Variants in AFAP1L2 observed in about 807,000 individuals in gnomAD.
AFAP1L2 encodes actin filament associated protein 1 like 2.
AFAP1L2 carries 46 observed loss-of-function variants against 99.3 expected under a neutral mutation model. The ratio of observed to expected loss-of-function variants is 0.46; its 90% CI spans 0.37 to 0.59. The LOEUF is 0.59. Among genes scored for constraint, AFAP1L2 ranks in the 20% least tolerant of loss-of-function variants. The pLI is 0.00. For missense variants in AFAP1L2, 959 were observed against 1,034.9 expected, an observed-to-expected ratio of 0.93 and a Z score of 1.01; for synonymous variants, 397 against 419.1, an observed-to-expected ratio of 0.95 and a Z score of 0.64.
At chr10:114,286,525 G>A in the AFAP1L2 span, 3 of 1,546,732 alleles carry the variant, frequency 1.9e-6, no homozygotes, top group Non-Finnish European at 1.7e-6. Flanking sequence ...AGGTCCCAGT[G>A]CCTGACCCAG....
intron 11 of AFAP1L2, 73 bp from the exon 12 acceptor site, chr10:114,302,557 C>T: frequency 1.3e-6 from 2 of 1,584,782 alleles, no homozygotes; most frequent in African/African-American, 2.7e-5. Context: ...CCCACCAGGC[C>T]ATGACCGTAC....
intron 1 of AFAP1L2, chr10:114,398,800 C>T: frequency 7.7e-7 from 1 of 1,301,424 alleles, no homozygotes; most frequent in South Asian, 1.2e-5. Context: ...CCTCGGGAGC[C>T]CTGGAGGCCA....
At chr10:114,353,077 C>G (rs923877957) in intron 1 of AFAP1L2, among the ~76,000 whole-genome samples, 1 of 152,216 alleles carries the variant, frequency 6.6e-6, no homozygotes, top group African/African-American at 2.4e-5. Flanking sequence ...CAGAGCATTT[C>G]ATTCCCCAGC....
chr10:114,291,030 G>A (rs888818261), downstream of AFAP1L2, among the ~76,000 whole-genome samples: 1 of 152,106 alleles, frequency 6.6e-6, no homozygotes, highest in Non-Finnish European at 1.5e-5. Context: ...ACGGGCAGAG[G>A]TTGGCTTCCT....
downstream of AFAP1L2, among the ~76,000 whole-genome samples, chr10:114,290,816 T>C (rs1478957136): frequency 6.6e-6 from 1 of 151,902 alleles, no homozygotes; most frequent in Non-Finnish European, 1.5e-5. Flanking sequence ...CTCAGTAAAA[T>C]GGGAGGAACA....
intron 4 of AFAP1L2, among the ~76,000 whole-genome samples, 156 bp from the exon 5 acceptor site, chr10:114,323,417 C>T (rs1007190300): frequency 6.6e-6 from 1 of 152,186 alleles, no homozygotes; most frequent in Non-Finnish European, 1.5e-5. Flanking sequence ...TATCATGAAT[C>T]CCATCAGTCA....
At chr10:114,335,247 T>C (rs144383190) in intron 2 of AFAP1L2, among the ~76,000 whole-genome samples, 14 of 152,258 alleles carry the variant, frequency 9.2e-5, no homozygotes, top group African/African-American at 3.4e-4. Context: ...ACAGATAAAC[T>C]CTAGCATTTA....
intron 5 of AFAP1L2, among the ~76,000 whole-genome samples, chr10:114,318,577 A>G (rs2044517696): frequency 6.6e-6 from 1 of 151,898 alleles, no homozygotes; most frequent in African/African-American, 2.4e-5. Context: ...TGTCTTTTCT[A>G]AAAATACAAA....
At chr10:114,321,673 AAGG>A (rs1249028040) in intron 5 of AFAP1L2, among the ~76,000 whole-genome samples, 2 of 152,178 alleles carry the variant, frequency 1.3e-5, no homozygotes, top group African/African-American at 2.4e-5. Flanking sequence ...AAGGAAAGAG[AAGG>A]AGGACAGAAG....
intron 11 of AFAP1L2, among the ~76,000 whole-genome samples, chr10:114,304,308 C>T (rs896661808): frequency 6.6e-6 from 1 of 152,084 alleles, no homozygotes; most frequent in Non-Finnish European, 1.5e-5. Flanking sequence ...GGATGGGGAG[C>T]GAGAGGAATG....
chr10:114,353,556 A>T (rs1226463882), intron 1 of AFAP1L2, among the ~76,000 whole-genome samples: 1 of 152,230 alleles, frequency 6.6e-6, no homozygotes, highest in African/African-American at 2.4e-5. Context: ...TGGTTCCACC[A>T]GGGTCACACA....
intron 1 of AFAP1L2, among the ~76,000 whole-genome samples, chr10:114,397,692 G>C (rs1306688950): frequency 1.3e-5 from 2 of 152,192 alleles, no homozygotes; most frequent in Non-Finnish European, 2.9e-5. Flanking sequence ...CTACCTCCAA[G>C]GGTAGGACTG....
intron 1 of AFAP1L2, among the ~76,000 whole-genome samples, chr10:114,345,673 A>C (rs2049442956): frequency 6.6e-6 from 1 of 152,240 alleles, no homozygotes; most frequent in South Asian, 2.1e-4. Context: ...TCCAAGTTCA[A>C]AGCACTTGTG....
chr10:114,310,392 G>T lies in AFAP1L2; in HGVS notation c.844C>A (p.Gln282Lys). ...AAGCGCTGGGCATCCGGGGTGTACT[G>T]GTTTCCTTCAGATGCTCCTTCGGAA... ...LPSEGASEGN[Q>K]YTPDAQRFNC... Residue 282 changes from glutamine (Q) to lysine (K), a missense_variant, in exon 8 of 19, where the codon CAG becomes AAG. Physicochemically the swap from Gln to Lys is moderately conservative, Grantham distance 53. Coordinates refer to ENST00000304129, the MANE Select transcript of AFAP1L2 (RefSeq NM_001001936.3). 6.2e-7 allele frequency: 1 copy of T among 1,613,922 alleles called. No homozygotes were observed. The highest frequency in any genetic ancestry group is 8.5e-7 in the Non-Finnish European group (1 of 1,179,926).
rs1000770310 is a variant in AFAP1L2, at chr10:114,391,584, T to C, written c.16+12856A>G. On this transcript the variant is annotated intron_variant, in intron 1 of 18. Transcript: ENST00000304129. ...AGATTAGTGCTGTGAACACCAAAAA[T>C]ACTGTCCTTGGCCCTTAAGGAGCTT... Among the ~76,000 whole-genome samples, 5 of 152,316 alleles carry C rather than the reference T, an allele frequency of 3.3e-5. No homozygotes were observed. The East Asian group carries it at 9.7e-4, about 29-fold the overall frequency.
chr10:114,403,684 C>G (rs2058438705), intron 1 of AFAP1L2, among the ~76,000 whole-genome samples: 1 of 152,192 alleles, frequency 6.6e-6, no homozygotes, highest in Non-Finnish European at 1.5e-5. Context: ...GGGTGCTAAG[C>G]TGGGCGTCCG....
At chr10:114,345,379 G>T (rs1273493815) in intron 1 of AFAP1L2, among the ~76,000 whole-genome samples, 1 of 152,192 alleles carries the variant, frequency 6.6e-6, no homozygotes, top group Non-Finnish European at 1.5e-5. Flanking sequence ...AGACTAGAGA[G>T]AATAATCCTG....
chr10:114,392,853 TC>T (rs778878029), intron 1 of AFAP1L2, among the ~76,000 whole-genome samples: 23 of 152,132 alleles, frequency 1.5e-4, no homozygotes, highest in Non-Finnish European at 3.4e-4. Context: ...TAGAACAAGG[TC>T]CTTTGCACTC....
At chr10:114,390,886 CT>C (rs764096675) in intron 1 of AFAP1L2, among the ~76,000 whole-genome samples, 27 of 152,156 alleles carry the variant, frequency 1.8e-4, no homozygotes, top group Non-Finnish European at 3.8e-4. Flanking sequence ...TTTGGTTGAC[CT>C]GCCTCTGATG....
Sources: allele counts gnomAD v4.1 joint callset (sites outside exome capture counted in the v4.1 genomes callset), GRCh38; gene constraint gnomAD v4.1.1; transcripts MANE v1.5; gene names NCBI Gene and HGNC (gene_info 2026-07-23, HGNC 2026-07-21).